CRYBG1: variants seen among roughly 807,000 people sequenced by gnomAD.
CRYBG1 encodes beta/gamma crystallin domain-containing protein 1.
In CRYBG1, 139 loss-of-function variants were observed where a neutral mutation model predicts 189.2. The observed-to-expected ratio is 0.73, with a 90% CI of 0.64 to 0.85. The LOEUF (loss-of-function observed/expected upper bound fraction) is 0.85, where lower values mean the gene tolerates loss of function less well. Among genes scored for constraint, CRYBG1 ranks in the 40% least tolerant of loss-of-function variants. The probability of loss-of-function intolerance (pLI) is 0.00; values close to 1 mark genes in which losing one functional copy is unlikely to be tolerated. For missense variants in CRYBG1, 2,611 were observed against 2,675.8 expected (o/e 0.98, Z 0.53); for synonymous variants, 1,023 against 1,017.1 (o/e 1.01, Z -0.11).
intron 2 of CRYBG1, among the ~76,000 whole-genome samples, chr6:106,488,354 A>G (rs1317453383): frequency 6.6e-6 from 1 of 152,174 alleles, no homozygotes; most frequent in Admixed American, 6.5e-5. Context: ...AGGCCAGGGA[A>G]GACATAAATG....
rs200169906 is a variant in CRYBG1, at chr6:106,504,046, AAAC to A, written c.313-7383_313-7381del. 1.3e-3 allele frequency among the ~76,000 whole-genome samples: 193 copies of A among 146,600 alleles called. 2 individuals carry two copies. Among genetic ancestry groups the A allele is most frequent in the East Asian group, 1.8e-3 (9 of 4,912 alleles). On this transcript the variant is annotated intron_variant, in intron 2 of 21. Transcript: ENST00000633556. ...CAGCATTAGAAAAAAAAAAAAAAAA[AAAC>A]CACAACCATTGAGGTGTAAGTAGAG...
chr6:106,511,938 G>A lies in CRYBG1; in HGVS notation c.821G>A (p.Ser274Asn), dbSNP rs1405671039. 5 of 1,526,902 alleles carry A rather than the reference G, an allele frequency of 3.3e-6. No individual in the cohort carries two copies. The highest frequency in any genetic ancestry group is 1.4e-5 in the African/African-American group (1 of 72,832). The allele number at this position is 1,526,902 out of a possible 1,614,324, so 94.6% of individuals were successfully genotyped here. ...GAGAACGCAGAGACGCCCGCCCGCA[G>A]TCCGGGGGAGGACGCTTCACCAGGT... Reference protein sequence around the residue: ...RQENAETPARSPGEDASPGAG... With the variant: ...RQENAETPARNPGEDASPGAG... The change falls in exon 3 of 22, where the codon AGT (serine) becomes AAT (asparagine). Residue 274 changes from serine to asparagine, a missense_variant. By Grantham distance (46) the Ser-to-Asn change is conservative (BLOSUM62 1). Around this residue, in one of 3 missense-constraint regions of CRYBG1, gnomAD observed 985 missense variants for 924.4 expected, o/e 1.07. Transcript: ENST00000633556.
In CRYBG1 at chr6:106,571,628, C is replaced by G. The variant is rs1775061334; in HGVS notation, c.*3062C>G. 5.0e-6 allele frequency: 1 copy of G among 199,420 alleles called. No individual in the cohort carries two copies. Among genetic ancestry groups the G allele is most frequent in the Non-Finnish European group, 1.0e-5 (1 of 96,752 alleles). 12.4% of individuals were successfully genotyped at this position (199,420 alleles called of 1,614,324 possible). On this transcript the variant is annotated 3_prime_UTR_variant, in exon 22 of 22. Transcript: ENST00000633556. ...GCAGGAGAATCGCTTAAGGTCAAGG[C>G]TGCAGTGAGCTGTGATTGTGCCACT...
chr6:106,551,915 T>C lies in CRYBG1; in HGVS notation c.5376T>C (p.Tyr1792=), dbSNP rs200387271. 1.1e-4 allele frequency: 170 copies of C among 1,610,732 alleles called. 2 individuals carry two copies. The East Asian group carries it at 3.3e-3, about 32-fold the overall frequency. Residue 1792 remains tyrosine (Y), a synonymous_variant, in exon 14 of 22, where the codon TAT becomes TAC. Coordinates refer to ENST00000633556, the MANE Select transcript of CRYBG1 (RefSeq NM_001371242.2). ...GEQYILDKGF[Y]TSFEDWGGKN... ...AGTATATACTGGATAAAGGATTTTA[T>C]ACCAGTTTTGAGGACTGGGGAGGCA...
chr6:106,481,910 CG>C (rs1759054253), intron 2 of CRYBG1, among the ~76,000 whole-genome samples: 1 of 152,210 alleles, frequency 6.6e-6, no homozygotes, highest in Non-Finnish European at 1.5e-5. Flanking sequence ...CTTGTGCACA[CG>C]TTTGCCCCTT....
chr6:106,529,374 T>C (rs1173828201), intron 7 of CRYBG1, among the ~76,000 whole-genome samples: 3 of 152,260 alleles, frequency 2.0e-5, no homozygotes, highest in South Asian at 4.1e-4. Flanking sequence ...ATCGTGTGCA[T>C]GGTTTCTTGA....
At chr6:106,425,651 G>A (rs1009211066) in intron 1 of CRYBG1, among the ~76,000 whole-genome samples, 1 of 152,128 alleles carries the variant, frequency 6.6e-6, no homozygotes, top group South Asian at 2.1e-4. Context: ...TTATTTATGA[G>A]ACAGAGTTTC....
chr6:106,559,712 G>A (rs1774653830), intron 18 of CRYBG1, among the ~76,000 whole-genome samples: 1 of 152,014 alleles, frequency 6.6e-6, no homozygotes, highest in African/African-American at 2.4e-5. Flanking sequence ...CTTGAACCCA[G>A]GAGGTGGAGG....
At chr6:106,464,363 C>T (rs1011500071) in intron 2 of CRYBG1, among the ~76,000 whole-genome samples, 58 of 151,940 alleles carry the variant, frequency 3.8e-4, no homozygotes, top group African/African-American at 1.1e-3. Context: ...CATGTTGGTG[C>T]GCGCCTGTAA....
chr6:106,418,670 A>T (rs561139294), intron 1 of CRYBG1, among the ~76,000 whole-genome samples: 3 of 152,330 alleles, frequency 2.0e-5, no homozygotes, highest in African/African-American at 7.2e-5. Context: ...GATATTTGTT[A>T]TATGTATAGA....
chr6:106,537,532 A>G (rs1774031506), intron 8 of CRYBG1, among the ~76,000 whole-genome samples: 1 of 152,232 alleles, frequency 6.6e-6, no homozygotes. Flanking sequence ...TGTGGTTTAG[A>G]AGCATTACAG....
At chr6:106,518,748 A>G (rs544072736) in intron 3 of CRYBG1, among the ~76,000 whole-genome samples, 48 of 152,314 alleles carry the variant, frequency 3.2e-4, no homozygotes, top group African/African-American at 1.1e-3. Context: ...GCTTGAAGCC[A>G]GGAGTTTGAG....
At chr6:106,517,744 A>T (rs1397999801) in intron 3 of CRYBG1, among the ~76,000 whole-genome samples, 2 of 152,096 alleles carry the variant, frequency 1.3e-5, no homozygotes, top group Non-Finnish European at 2.9e-5. Context: ...TTTTTTAAAG[A>T]TGAAGAAGTT....
intron 2 of CRYBG1, among the ~76,000 whole-genome samples, chr6:106,468,554 A>T (rs1772158830): frequency 6.6e-6 from 1 of 152,186 alleles, no homozygotes; most frequent in East Asian, 1.9e-4. Context: ...GCCGGGCATG[A>T]TGGCGTGTGC....
chr6:106,513,379 T>A (rs783419), intron 3 of CRYBG1, among the ~76,000 whole-genome samples: 52,985 of 152,056 alleles, frequency 0.35, 10,663 homozygotes, highest in East Asian at 0.65. Context: ...TGTACAAGGG[T>A]GTTCCAAGGT....
chr6:106,460,641 A>G (rs1161738296), intron 2 of CRYBG1, among the ~76,000 whole-genome samples: 1 of 152,152 alleles, frequency 6.6e-6, no homozygotes, highest in Non-Finnish European at 1.5e-5. Flanking sequence ...GATGGGGAGC[A>G]GGAGTGGGGC....
At chr6:106,459,609 T>C (rs1272651578) in intron 2 of CRYBG1, among the ~76,000 whole-genome samples, 2 of 150,852 alleles carry the variant, frequency 1.3e-5, no homozygotes, top group Non-Finnish European at 2.9e-5. Flanking sequence ...TCTATAAAAA[T>C]GCCTCTTTAG....
intron 17 of CRYBG1, 148 bp downstream of exon 17, chr6:106,556,045 G>T (rs1774537760): frequency 2.2e-6 from 2 of 899,120 alleles, no homozygotes; most frequent in Non-Finnish European, 3.5e-6. Context: ...TGTACATCTA[G>T]TTTATTGATT....
At chr6:106,410,710 A>C (rs190352946) in intron 1 of CRYBG1, among the ~76,000 whole-genome samples, 1 of 152,190 alleles carries the variant, frequency 6.6e-6, no homozygotes, top group Non-Finnish European at 1.5e-5. Flanking sequence ...TGTTTTTTGC[A>C]GGGACATGGA....
Sources: allele counts gnomAD v4.1 joint callset (sites outside exome capture counted in the v4.1 genomes callset), GRCh38; gene constraint gnomAD v4.1.1; regional missense constraint gnomAD v4.1.1; transcripts MANE v1.5; gene names NCBI Gene and HGNC (gene_info 2026-07-23, HGNC 2026-07-21).